EPB41L2: variants seen among roughly 807,000 people sequenced by gnomAD.
The protein encoded by EPB41L2 is band 4.1-like protein 2.
Under a neutral mutation model 113.0 loss-of-function variants are expected in EPB41L2, and 43 were observed. The ratio of observed to expected loss-of-function variants is 0.38; its 90% CI spans 0.30 to 0.49. The LOEUF (loss-of-function observed/expected upper bound fraction) is 0.49, where lower values mean the gene tolerates loss of function less well. Among genes scored for constraint, EPB41L2 ranks in the 20% least tolerant of loss-of-function variants. The pLI is 0.95. For missense variants in EPB41L2, 1,147 were observed against 1,223.4 expected (o/e 0.94, Z 0.93); for synonymous variants, 442 against 436.7 (o/e 1.01, Z -0.15).
At chr6:130,946,924 C>T (rs1813041236) in intron 3 of EPB41L2, among the ~76,000 whole-genome samples, 1 of 151,776 alleles carries the variant, frequency 6.6e-6, no homozygotes, top group African/African-American at 2.4e-5. Context: ...CAGGAAAGTG[C>T]CTAACATACC....
chr6:131,006,245 C>T (rs1426441815), intron 1 of EPB41L2, among the ~76,000 whole-genome samples: 1 of 151,578 alleles, frequency 6.6e-6, no homozygotes, highest in East Asian at 2.0e-4. Flanking sequence ...TTAGTAGAGA[C>T]AAGGTTTCAC....
chr6:130,924,402 C>A lies in EPB41L2; in HGVS notation c.810+2203G>T, dbSNP rs9375780. Among the ~76,000 whole-genome samples the A allele has an allele frequency of 4.7e-5, 7 of 150,250 alleles. No homozygotes were observed. The East Asian group carries it at 1.2e-3, about 25-fold the overall frequency. On this transcript the variant is annotated intron_variant, in intron 4 of 19. Transcript: ENST00000337057. The stretch of plus-strand genomic sequence containing the variant: ...TGGAGTTCTTTTTTTTTTTGAGATG[C>A]AGTTTCGCTCTTGTTGCCCAGGCTG...
At position 130,840,428 on chromosome 6, in the gene EPB41L2, C is replaced by A. The variant is rs1775101309; in HGVS notation, c.*176G>T. The A allele has an allele frequency of 6.6e-6, 1 of 151,620 alleles. No individual in the cohort carries two copies. The highest frequency in any genetic ancestry group is 1.5e-5 in the Non-Finnish European group (1 of 67,914). 9.4% of individuals were successfully genotyped at this position (151,620 alleles called of 1,614,324 possible). A position where few individuals can be genotyped will look rare whatever the true frequency, so the allele number is the denominator to read the frequency against. On this transcript the variant is annotated 3_prime_UTR_variant, in exon 20 of 20. Coordinates refer to ENST00000337057, the MANE Select transcript of EPB41L2 (RefSeq NM_001431.4). ...TTAAATGCATGGGAGCAATATAGAC[C>A]AGAGCTGGTAAGGAAAGGTTTGGTG... is the stretch of plus-strand genomic sequence containing the variant.
At chr6:130,842,493 G>T (rs1485070428) in intron 19 of EPB41L2, among the ~76,000 whole-genome samples, 5 of 151,892 alleles carry the variant, frequency 3.3e-5, no homozygotes, top group African/African-American at 1.2e-4. Flanking sequence ...TAGTAAATAT[G>T]CATCATTTGT....
intron 11 of EPB41L2, among the ~76,000 whole-genome samples, chr6:130,887,682 A>T (rs1410146530): frequency 1.3e-5 from 2 of 152,210 alleles, no homozygotes; most frequent in Admixed American, 6.5e-5. Context: ...ATTATTAAAT[A>T]TCTCTTGTCC....
intron 1 of EPB41L2, among the ~76,000 whole-genome samples, chr6:131,008,062 G>A (rs987137956): frequency 1.1e-4 from 16 of 152,370 alleles, no homozygotes; most frequent in Non-Finnish European, 2.4e-4. Flanking sequence ...TTAATCCCAA[G>A]ACAATGGGAA....
intron 18 of EPB41L2, among the ~76,000 whole-genome samples, chr6:130,859,841 G>A (rs1193623435): frequency 6.6e-6 from 1 of 152,072 alleles, no homozygotes; most frequent in East Asian, 1.9e-4. Context: ...TTCCACCAGG[G>A]AACAAACTCT....
intron 1 of EPB41L2, among the ~76,000 whole-genome samples, chr6:130,981,282 T>C (rs1384828923): frequency 1.3e-5 from 2 of 152,116 alleles, no homozygotes; most frequent in Non-Finnish European, 2.9e-5. Context: ...GGCAGAAAAG[T>C]TGTTAAAAAT....
chr6:130,922,643 T>C (rs1324192038), intron 4 of EPB41L2, among the ~76,000 whole-genome samples: 3 of 152,222 alleles, frequency 2.0e-5, no homozygotes, highest in Non-Finnish European at 4.4e-5. Flanking sequence ...CTTTTAGGGT[T>C]ATTCTGAGAA....
At chr6:130,951,181 CA>C (rs911171834) in intron 3 of EPB41L2, among the ~76,000 whole-genome samples, 1 of 130,306 alleles carries the variant, frequency 7.7e-6, no homozygotes, top group African/African-American at 3.0e-5. Context: ...TGCTTGAACC[CA>C]GGAGGTGGAG....
chr6:130,939,903 T>A (rs1464240820), intron 3 of EPB41L2, among the ~76,000 whole-genome samples: 1 of 152,142 alleles, frequency 6.6e-6, no homozygotes, highest in Non-Finnish European at 1.5e-5. Context: ...GACTTCCAAT[T>A]AAAGATGGTA....
chr6:130,854,696 A>T (rs1779707077), intron 19 of EPB41L2, among the ~76,000 whole-genome samples: 1 of 152,202 alleles, frequency 6.6e-6, no homozygotes, highest in South Asian at 2.1e-4. Context: ...TGTTTGTATA[A>T]CACTCACTTT....
chr6:130,915,450 G>GA (rs1162505992), intron 4 of EPB41L2, among the ~76,000 whole-genome samples: 1 of 152,114 alleles, frequency 6.6e-6, no homozygotes, highest in Non-Finnish European at 1.5e-5. Flanking sequence ...GAACATAGCA[G>GA]AAAAAAACCT....
chr6:130,902,018 C>T (rs56027377), intron 6 of EPB41L2, among the ~76,000 whole-genome samples: 10,812 of 152,318 alleles, frequency 0.071, 598 homozygotes, highest in African/African-American at 0.14. Flanking sequence ...CATATATACC[C>T]TGTGGGTTTC....
intron 1 of EPB41L2, chr6:130,978,593 CA>C (rs1778679608): frequency 6.6e-6 from 1 of 152,212 alleles, no homozygotes; most frequent in Non-Finnish European, 1.5e-5. Context: ...AATATCAAGC[CA>C]TTATACTCAC....
chr6:130,876,881 C>T, intron 14 of EPB41L2: 11 of 450,986 alleles, frequency 2.4e-5, no homozygotes, highest in Non-Finnish European at 3.5e-5. Context: ...TGACACACAC[C>T]AGGAGAAGTG....
chr6:130,941,485 G>A (rs1264783167), intron 3 of EPB41L2, among the ~76,000 whole-genome samples: 2 of 152,182 alleles, frequency 1.3e-5, no homozygotes, highest in Non-Finnish European at 2.9e-5. Flanking sequence ...CAAAAACCAT[G>A]AGCAGCAAAC....
intron 4 of EPB41L2, among the ~76,000 whole-genome samples, chr6:130,913,795 C>A (rs939029224): frequency 6.6e-6 from 1 of 151,888 alleles, no homozygotes; most frequent in South Asian, 2.1e-4. Context: ...ACAAACAAAA[C>A]TTTTAAATAA....
At chr6:131,013,249 AAT>A (rs1275266345) in intron 1 of EPB41L2, among the ~76,000 whole-genome samples, 2,915 of 141,968 alleles carry the variant, frequency 0.021, 101 homozygotes, top group African/African-American at 0.065. Context: ...GAAAAAAAAA[AAT>A]ATATATATAT....
Sources: gnomAD v4.1 joint callset for allele counts (sites outside exome capture counted in the v4.1 genomes callset) on GRCh38, gnomAD v4.1.1 for gene constraint, MANE v1.5 for transcripts, NCBI Gene and HGNC (gene_info 2026-07-23, HGNC 2026-07-21) for gene names.